MAP3K12: variants seen among roughly 807,000 people sequenced by gnomAD.
MAP3K12 encodes the protein MAPK-upstream kinase.
Under a neutral mutation model 87.5 loss-of-function variants are expected in MAP3K12, and 14 were observed. The observed-to-expected ratio is 0.16, with a 90% CI of 0.11 to 0.25. The LOEUF (loss-of-function observed/expected upper bound fraction) is 0.25, where lower values mean the gene tolerates loss of function less well. Ranked by LOEUF, MAP3K12 falls within the 10% of genes least tolerant of loss-of-function variation. The probability of loss-of-function intolerance (pLI) is 1.00; values close to 1 mark genes in which losing one functional copy is unlikely to be tolerated. For synonymous variants in MAP3K12, 469 were observed against 452.5 expected (o/e 1.04, Z -0.46); for missense variants, 802 against 1,140.4 (o/e 0.70, Z 4.27).
intron 1 of MAP3K12, 28 bp from the exon 2 acceptor site, chr12:53,487,456 G>C (rs1031865127): frequency 7.1e-6 from 11 of 1,545,152 alleles, no homozygotes; most frequent in Admixed American, 3.9e-5. Context: ...GGAGGGGCTG[G>C]GCTGTTAAAG....
chr12:53,487,820 C>T (rs1207157195), intron 1 of MAP3K12: 2 of 175,602 alleles, frequency 1.1e-5, no homozygotes, highest in East Asian at 3.0e-4. Flanking sequence ...ACCCGAGACT[C>T]ACAGGCACAC....
intron 1 of MAP3K12, among the ~76,000 whole-genome samples, chr12:53,495,375 C>A (rs1439118340): frequency 2.2e-5 from 3 of 133,744 alleles, no homozygotes; most frequent in African/African-American, 8.2e-5. Flanking sequence ...AAAGGCCAGG[C>A]GCAGTTGCTC....
In MAP3K12 at chr12:53,483,446, T is replaced by C; in HGVS notation, c.1516A>G (p.Lys506Glu). Residue 506 changes from lysine (K) to glutamate (E), a missense_variant, in exon 10 of 14, where the codon AAG becomes GAG. Transcript: ENST00000547488. ...AGGAGGCCCCGGGAAGGGTGTGGCTTCAGCAGGCCTGGGCACCTCCGCTCT... is the reference window on the plus strand; with the variant it reads ...AGGAGGCCCCGGGAAGGGTGTGGCTCCAGCAGGCCTGGGCACCTCCGCTCT... ...ALERRCPGLL[K>E]PHPSRGLLHG... 1 of 1,614,138 alleles carries C rather than the reference T, an allele frequency of 6.2e-7. No homozygotes were observed. Among genetic ancestry groups the C allele is most frequent in the Non-Finnish European group, 8.5e-7 (1 of 1,180,022 alleles).
intron 1 of MAP3K12, among the ~76,000 whole-genome samples, chr12:53,489,186 G>A (rs1224977401): frequency 6.6e-6 from 1 of 151,782 alleles, no homozygotes; most frequent in Admixed American, 6.6e-5. Context: ...CAACAAAGCT[G>A]GGCATGGTGA....
At position 53,487,031 on chromosome 12, in the gene MAP3K12, G is replaced by A. The variant is rs1943244910; in HGVS notation, c.361C>T (p.Leu121Phe). 1.2e-6 allele frequency: 2 copies of A among 1,614,002 alleles called. No individual in the cohort carries two copies. The highest frequency in any genetic ancestry group is 1.3e-5 in the African/African-American group (1 of 74,916). The stretch of plus-strand genomic sequence containing the variant: ...CGCAGGCAGCCAAAGAGGCCCTCAA[G>A]GAAGCCACTGCCACTCTGGCACTGC... Reference protein sequence around the residue: ...RLQCQSGSGFLEGLFGCLRPV... With the variant: ...RLQCQSGSGFFEGLFGCLRPV... Residue 121 changes from leucine (L) to phenylalanine (F), a missense_variant, in exon 2 of 14, where the codon CTT (leucine) becomes TTT (phenylalanine). Around this residue, in one of 5 missense-constraint regions of MAP3K12, gnomAD observed 57 missense variants for 161.8 expected, o/e 0.35. Transcript: ENST00000547488.
intron 5 of MAP3K12, 25 bp from the exon 6 acceptor site, chr12:53,485,239 T>C: frequency 1.2e-6 from 2 of 1,603,048 alleles, no homozygotes; most frequent in South Asian, 1.1e-5. Flanking sequence ...ACATCACTTG[T>C]GCTCAAGCCC....
chr12:53,498,908 CTGTGTG>C (rs71068135), intron 1 of MAP3K12, among the ~76,000 whole-genome samples: 3 of 108,434 alleles, frequency 2.8e-5, no homozygotes, highest in East Asian at 2.5e-4. Context: ...GTCCAGCCTG[CTGTGTG>C]TGTGTGTGTG....
chr12:53,490,991 C>T (rs1402556524), intron 1 of MAP3K12, among the ~76,000 whole-genome samples: 2 of 151,900 alleles, frequency 1.3e-5, no homozygotes, highest in African/African-American at 2.4e-5. Context: ...TAATGGCTAA[C>T]TTAAGGAAGG....
chr12:53,487,688 A>AG lies in MAP3K12; in HGVS notation c.-37-261dup, dbSNP rs1272588209. ...GGTATCGTACCTGAGTATCATTCTC[A>AG]GGTAACAGCCCCACGTGGGTACACA... is the stretch of plus-strand genomic sequence containing the variant. On this transcript the variant is annotated intron_variant, in intron 1 of 13. Coordinates refer to ENST00000547488, the MANE Select transcript of MAP3K12 (RefSeq NM_001193511.2). The AG allele has an allele frequency of 5.0e-5, 19 of 376,850 alleles. No individual in the cohort carries two copies. In the East Asian group the frequency reaches 8.6e-4, roughly 17 times the overall value. 23.3% of individuals were successfully genotyped at this position (376,850 alleles called of 1,614,324 possible).
At chr12:53,492,760 C>T (rs1395542354) in intron 1 of MAP3K12, among the ~76,000 whole-genome samples, 1 of 151,828 alleles carries the variant, frequency 6.6e-6, no homozygotes, top group African/African-American at 2.4e-5. Context: ...TCCCTCCCCG[C>T]CCCCACCACC....
intron 10 of MAP3K12, 67 bp downstream of exon 10, chr12:53,483,279 CCTG>C: frequency 6.3e-7 from 1 of 1,582,130 alleles, no homozygotes; most frequent in Non-Finnish European, 8.6e-7. Context: ...TACACATCTC[CCTG>C]CTAATATACC....
chr12:53,491,301 A>AAAAAGAAAAAAG (rs1555212343), intron 1 of MAP3K12, among the ~76,000 whole-genome samples: 2 of 101,568 alleles, frequency 2.0e-5, no homozygotes, highest in Admixed American at 1.3e-4. Flanking sequence ...AAAAAAAAAA[A>AAAAAGAAAAAAG]AAAAGAAAAG....
intron 1 of MAP3K12, among the ~76,000 whole-genome samples, chr12:53,496,489 G>T (rs911999199): frequency 6.6e-6 from 1 of 152,214 alleles, no homozygotes; most frequent in Admixed American, 6.5e-5. Flanking sequence ...CGGGGAAGGG[G>T]AGGGCAAGAG....
intron 4 of MAP3K12, chr12:53,485,785 T>C (rs958735511): frequency 2.5e-5 from 13 of 519,650 alleles, no homozygotes; most frequent in African/African-American, 2.3e-4. Context: ...CTCGATCTCT[T>C]GACCTTGTGA....
In MAP3K12 at chr12:53,482,220, T is replaced by G. The variant is rs1455436967; in HGVS notation, c.2310-9A>C. On this transcript the variant is annotated splice_polypyrimidine_tract_variant and intron_variant, in intron 12 of 13. Transcript: ENST00000547488. ...TCAGGCTCTGAGGCCACCTACATGTTGAAGAGGGGGATTACAGCTTGGTTC... is the reference window on the plus strand; with the variant it reads ...TCAGGCTCTGAGGCCACCTACATGTGGAAGAGGGGGATTACAGCTTGGTTC... 1 of 1,613,994 alleles carries G rather than the reference T, an allele frequency of 6.2e-7. No homozygotes were observed. The highest frequency in any genetic ancestry group is 1.7e-5 in the Admixed American group (1 of 59,996).
rs775706371 is a variant in MAP3K12, at chr12:53,487,123, C to T, written c.269G>A (p.Gly90Asp). ...AGGTGACCCAGCTGCTCCCCCTGGGCCCCCTGCATCCTGCTCATGTAGCTG... is the reference window on the plus strand; with the variant it reads ...AGGTGACCCAGCTGCTCCCCCTGGGTCCCCTGCATCCTGCTCATGTAGCTG... Reference protein sequence around the residue: ...VLQLHEQDAGGPGGAAGSPES... With the variant: ...VLQLHEQDAGDPGGAAGSPES... The change falls in exon 2 of 14, where the codon GGC (glycine) becomes GAC (aspartate). Residue 90 changes from glycine (G) to aspartate (D), a missense_variant. Physicochemically the swap from Gly to Asp is moderately conservative, Grantham distance 94. Transcript: ENST00000547488. 3.1e-6 allele frequency: 5 copies of T among 1,613,980 alleles called. No individual in the cohort carries two copies. Among genetic ancestry groups the T allele is most frequent in the East Asian group, 2.2e-5 (1 of 44,870 alleles).
At position 53,486,402 on chromosome 12, in the gene MAP3K12, A is replaced by G. The variant is rs773707156; in HGVS notation, c.629+37T>C. ...CCAGGAGGGTACCAGGCCTTAGCAT[A>G]GTATCCCCAACACCCAGCCCCTGCC... On this transcript the variant is annotated intron_variant, in intron 3 of 13. Coordinates refer to ENST00000547488, the MANE Select transcript of MAP3K12 (RefSeq NM_001193511.2). This position sits in a 1 kb window ranked among gnomAD's most constrained non-coding sequence, Gnocchi z 4.9. The G allele has an allele frequency of 2.5e-6, 4 of 1,606,976 alleles. No homozygotes were observed. In the East Asian group the frequency reaches 6.7e-5, roughly 27 times the overall value.
At chr12:53,494,072 G>A (rs1943487822) in intron 1 of MAP3K12, among the ~76,000 whole-genome samples, 1 of 152,224 alleles carries the variant, frequency 6.6e-6, no homozygotes, top group South Asian at 2.1e-4. Flanking sequence ...ACCCCTTTTT[G>A]TTTCCTTTAT....
chr12:53,480,927 T>A lies in MAP3K12; in HGVS notation c.*255A>T, dbSNP rs552502256. On this transcript the variant is annotated 3_prime_UTR_variant, in exon 14 of 14. Coordinates refer to ENST00000547488, the MANE Select transcript of MAP3K12 (RefSeq NM_001193511.2). ...CTATTGCCTTGTTGCTTGCTGAATA[T>A]AAGGAATGGGGTGGGGCAGGAAGGG... 1.9e-5 allele frequency: 3 copies of A among 159,350 alleles called. No homozygotes were observed. The highest frequency in any genetic ancestry group is 7.3e-5 in the African/African-American group (3 of 41,376). 9.9% of individuals were successfully genotyped at this position (159,350 alleles called of 1,614,324 possible).
Sources: allele counts gnomAD v4.1 joint callset (sites outside exome capture counted in the v4.1 genomes callset), GRCh38; gene constraint gnomAD v4.1.1; regional missense constraint gnomAD v4.1.1; non-coding constraint Gnocchi (gnomAD v3.1); transcripts MANE v1.5; gene names NCBI Gene and HGNC (gene_info 2026-07-23, HGNC 2026-07-21).